Variants in ADAMTS18 observed in about 807,000 individuals in gnomAD.
ADAMTS18 encodes the protein A disintegrin and metalloproteinase with thrombospondin motifs 18.
ADAMTS18 carries 157 observed loss-of-function variants against 165.9 expected under a neutral mutation model. The ratio of observed to expected loss-of-function variants is 0.95; its 90% CI spans 0.83 to 1.08. ADAMTS18 has a LOEUF of 1.08. ADAMTS18 is among the 50% of genes least tolerant of loss of function. ADAMTS18 has a pLI of 0.00. For missense variants in ADAMTS18, 2,040 were observed against 1,534.0 expected, an observed-to-expected ratio of 1.33 and a Z score of -5.51; for synonymous variants, 782 against 578.2, an observed-to-expected ratio of 1.35 and a Z score of -5.06.
chr16:77,420,159 G>A lies in ADAMTS18; in HGVS notation c.495+11136C>T, dbSNP rs536022665. On this transcript the variant is annotated intron_variant, in intron 3 of 22. Transcript: ENST00000282849. ...CAATTTGATAATTTCCCAAAGGTGG[G>A]TGAAGGGTATGTGGAAACTCTCTGC... Among the ~76,000 whole-genome samples the A allele has an allele frequency of 2.0e-4, 30 of 150,238 alleles. No homozygotes were observed. The East Asian group carries it at 2.1e-3, about 11-fold the overall frequency.
At chr16:77,368,788 G>T (rs750396723) in intron 3 of ADAMTS18, among the ~76,000 whole-genome samples, 1 of 152,156 alleles carries the variant, frequency 6.6e-6, no homozygotes, top group East Asian at 1.9e-4. Context: ...TGAGTGATGT[G>T]ATCTCTAAGT....
At chr16:77,356,137 T>C in intron 8 of ADAMTS18, 60 bp from the exon 9 acceptor site, 1 of 1,608,092 alleles carries the variant, frequency 6.2e-7, no homozygotes, top group Non-Finnish European at 8.5e-7. Flanking sequence ...TGAAGGATAA[T>C]CTGAGGAAGA....
At chr16:77,396,373 C>G (rs1350657690) in intron 3 of ADAMTS18, among the ~76,000 whole-genome samples, 1 of 152,154 alleles carries the variant, frequency 6.6e-6, no homozygotes, top group Non-Finnish European at 1.5e-5. Context: ...AAATTTAAAA[C>G]AGATCACAGC....
chr16:77,403,104 C>T lies in ADAMTS18; in HGVS notation c.495+28191G>A, dbSNP rs191510562. On this transcript the variant is annotated intron_variant, in intron 3 of 22. Coordinates refer to ENST00000282849, the MANE Select transcript of ADAMTS18 (RefSeq NM_199355.4). ...TAATGCAATTTCATACTCACTATAACGATGTGACAGATAATAATGTCAAAT... is the reference window on the plus strand; with the variant it reads ...TAATGCAATTTCATACTCACTATAATGATGTGACAGATAATAATGTCAAAT... Among the ~76,000 whole-genome samples, 15 of 152,216 alleles carry T rather than the reference C, an allele frequency of 9.9e-5. No homozygotes were observed. In the East Asian group the frequency reaches 2.3e-3, roughly 23 times the overall value.
intron 16 of ADAMTS18, among the ~76,000 whole-genome samples, chr16:77,308,429 TGAGA>T (rs2055720115): frequency 6.6e-6 from 1 of 151,814 alleles, no homozygotes; most frequent in South Asian, 2.1e-4. Context: ...TGTATGTGGG[TGAGA>T]GAGATACAGA....
chr16:77,337,889 C>T (rs941473174), intron 11 of ADAMTS18, among the ~76,000 whole-genome samples: 2 of 149,178 alleles, frequency 1.3e-5, no homozygotes, highest in South Asian at 4.2e-4. Context: ...GTAATTTTAT[C>T]CATCTTTTCT....
chr16:77,370,789 C>T (rs969781427), intron 3 of ADAMTS18, among the ~76,000 whole-genome samples: 8 of 131,060 alleles, frequency 6.1e-5, no homozygotes, highest in African/African-American at 1.4e-4. Context: ...ATAATAGCTA[C>T]GATATATATA....
chr16:77,338,662 T>C (rs943985598), intron 11 of ADAMTS18, among the ~76,000 whole-genome samples: 1 of 151,938 alleles, frequency 6.6e-6, no homozygotes, highest in African/African-American at 2.4e-5. Context: ...TAGATAAAAG[T>C]AAGTGGCTTG....
At chr16:77,297,200 G>T in intron 18 of ADAMTS18, 89 bp downstream of exon 18, 1 of 1,533,708 alleles carries the variant, frequency 6.5e-7, no homozygotes, top group Non-Finnish European at 9.0e-7. Context: ...TCCATTAGCA[G>T]TATTCACAGT....
intron 3 of ADAMTS18, among the ~76,000 whole-genome samples, chr16:77,403,122 T>C (rs183119600): frequency 2.0e-5 from 3 of 152,312 alleles, no homozygotes; most frequent in Admixed American, 2.0e-4. Context: ...CAGATAATAA[T>C]GTCAAATTTG....
At chr16:77,429,119 T>C (rs2057707930) in intron 3 of ADAMTS18, among the ~76,000 whole-genome samples, 2 of 152,134 alleles carry the variant, frequency 1.3e-5, no homozygotes, top group South Asian at 4.1e-4. Context: ...CATTCTACCA[T>C]AAAGACACAT....
intron 12 of ADAMTS18, 114 bp downstream of exon 12, chr16:77,335,642 A>G (rs1344885068): frequency 4.8e-6 from 6 of 1,239,160 alleles, no homozygotes; most frequent in Non-Finnish European, 7.0e-6. Flanking sequence ...ACCATTATGT[A>G]GCCATAATAA....
intron 3 of ADAMTS18, among the ~76,000 whole-genome samples, chr16:77,386,835 G>A (rs945934513): frequency 6.6e-6 from 1 of 152,076 alleles, no homozygotes; most frequent in African/African-American, 2.4e-5. Flanking sequence ...GCAAATATGA[G>A]AAAACATGAG....
At position 77,325,923 on chromosome 16, in the gene ADAMTS18, T is replaced by C. The variant is rs748915112; in HGVS notation, c.1975A>G (p.Asn659Asp). 4 of 1,613,974 alleles carry C rather than the reference T, an allele frequency of 2.5e-6. No homozygotes were observed. The highest frequency in any genetic ancestry group is 1.7e-6 in the Non-Finnish European group (2 of 1,180,006). ...AACCATCCACGGAAAGGTTTGCTGT[T>C]ATATTCTGCACACTGTTGAGCCCGA... ...DFRAQQCAEY[N>D]SKPFRGWFYQ... is the part of the protein sequence containing the mutation. Residue 659 changes from asparagine (N) to aspartate (D), a missense_variant, in exon 13 of 23, where the codon AAC (asparagine) becomes GAC (aspartate). By Grantham distance (23) the Asn-to-Asp change is conservative. Coordinates refer to ENST00000282849, the MANE Select transcript of ADAMTS18 (RefSeq NM_199355.4).
In ADAMTS18 at chr16:77,431,653, A is replaced by G. The variant is rs72801696; in HGVS notation, c.179-42T>C. On this transcript the variant is annotated intron_variant, in intron 2 of 22. Transcript: ENST00000282849. The stretch of plus-strand genomic sequence containing the variant: ...TCAGCTGTCAGCACCCAGAGCCCAC[A>G]ATTCCAAATGGTCTCTTTCCAGCAA... 2,321 of 1,600,958 alleles carry G rather than the reference A, an allele frequency of 1.4e-3. 4 individuals carry two copies. Among genetic ancestry groups the G allele is most frequent in the Non-Finnish European group, 1.4e-3 (1,630 of 1,171,062 alleles).
intron 3 of ADAMTS18, among the ~76,000 whole-genome samples, chr16:77,426,865 T>C (rs1221807189): frequency 1.3e-5 from 2 of 152,060 alleles, no homozygotes; most frequent in Non-Finnish European, 1.5e-5. Flanking sequence ...TCTACAAAAA[T>C]TGGCCTGGTG....
chr16:77,302,158 T>G (rs567656430), intron 16 of ADAMTS18, among the ~76,000 whole-genome samples: 46 of 152,304 alleles, frequency 3.0e-4, no homozygotes, highest in Admixed American at 1.2e-3. Context: ...TATGCTTTCC[T>G]GCAGTGTTTC....
chr16:77,402,248 C>G (rs1210749617), intron 3 of ADAMTS18, among the ~76,000 whole-genome samples: 1 of 152,190 alleles, frequency 6.6e-6, no homozygotes, highest in Non-Finnish European at 1.5e-5. Context: ...TCCTAAGTTT[C>G]CTGCTGCAGC....
intron 18 of ADAMTS18, among the ~76,000 whole-genome samples, chr16:77,296,454 C>A (rs990607125): frequency 1.3e-5 from 2 of 152,152 alleles, no homozygotes; most frequent in African/African-American, 4.8e-5. Flanking sequence ...AAAAGTTAGG[C>A]ACACAACCGC....
Sources: allele counts gnomAD v4.1 joint callset (sites outside exome capture counted in the v4.1 genomes callset), GRCh38; gene constraint gnomAD v4.1.1; transcripts MANE v1.5; gene names NCBI Gene and HGNC (gene_info 2026-07-23, HGNC 2026-07-21).